Variants in CSRP3 observed in about 807,000 individuals in gnomAD.
CSRP3 encodes cysteine and glycine rich protein 3.
In CSRP3, 24 loss-of-function variants were observed where a neutral mutation model predicts 24.3. The ratio of observed to expected loss-of-function variants is 0.99; its 90% CI spans 0.71 to 1.39. CSRP3 has a LOEUF of 1.39. Ranked by LOEUF, CSRP3 falls within the 40% of genes most tolerant of loss-of-function variation. The pLI, the probability that CSRP3 is intolerant of heterozygous loss-of-function variation, is 0.00. For synonymous variants in CSRP3, 105 were observed against 94.0 expected (o/e 1.12, Z -0.68); for missense variants, 240 against 249.0 (o/e 0.96, Z 0.24).
Position 19,188,178 on chromosome 11 carries a change from A to T in CSRP3, c.239T>A (p.Leu80His). 1 of 1,614,058 alleles carries T rather than the reference A, an allele frequency of 6.2e-7. No homozygotes were observed. Among genetic ancestry groups the T allele is most frequent in the Non-Finnish European group, 8.5e-7 (1 of 1,180,030 alleles). ...GIGYGQGAGC[L>H]STDTGEHLGL... is the part of the protein sequence containing the mutation. ...GAGATGCTCGCCCGTGTCTGTGCTGAGACAGCCAGCGCCTTGTCCATACCC... is the reference window on the plus strand; with the variant it reads ...GAGATGCTCGCCCGTGTCTGTGCTGTGACAGCCAGCGCCTTGTCCATACCC... Residue 80 changes from leucine (L) to histidine (H), a missense_variant, in exon 3 of 6, where the codon CTC (leucine) becomes CAC (histidine). Transcript: ENST00000265968.
At chr11:19,193,529 C>G (rs1850648991) in intron 1 of CSRP3, among the ~76,000 whole-genome samples, 2 of 152,202 alleles carry the variant, frequency 1.3e-5, no homozygotes, top group Admixed American at 1.3e-4. Context: ...TAATTGTCCT[C>G]TGTATTTTTA....
At chr11:19,188,782 A>G (rs1409631796) in intron 2 of CSRP3, among the ~76,000 whole-genome samples, 1 of 152,082 alleles carries the variant, frequency 6.6e-6, no homozygotes, top group Non-Finnish European at 1.5e-5. Context: ...TGTGATATTC[A>G]AGCAGACAAT....
intron 5 of CSRP3, among the ~76,000 whole-genome samples, chr11:19,183,568 T>A (rs9888275): frequency 0.16 from 24,525 of 152,206 alleles, 2,441 homozygotes; most frequent in African/African-American, 0.28. Context: ...GCATTGTGAA[T>A]GTTTCTCTAC....
At chr11:19,184,818 A>C (rs1590102725) in intron 5 of CSRP3, 134 bp downstream of exon 5, 2 of 751,506 alleles carry the variant, frequency 2.7e-6, no homozygotes, top group Admixed American at 2.0e-5. Context: ...GCTCCTGAGA[A>C]CCCAACGCTG....
At chr11:19,196,626 G>A (rs1180158111) in intron 1 of CSRP3, 2 of 152,168 alleles carry the variant, frequency 1.3e-5, no homozygotes, top group African/African-American at 4.8e-5. Flanking sequence ...ACCAAGGGAT[G>A]GGCCATTTGT....
At chr11:19,192,980 T>G (rs1464884174) in intron 1 of CSRP3, among the ~76,000 whole-genome samples, 1 of 152,158 alleles carries the variant, frequency 6.6e-6, no homozygotes, top group Non-Finnish European at 1.5e-5. Flanking sequence ...TCTAACAGAC[T>G]CCAGGCAATA....
chr11:19,192,597 T>C lies in CSRP3; in HGVS notation c.-28-121A>G. Reference sequence around the variant, plus strand: ...AATTTTTTTTTAGTGTTTCATTTATTCATTCATTTAGCAAACAGCTACTGT... The same window carrying C: ...AATTTTTTTTTAGTGTTTCATTTATCCATTCATTTAGCAAACAGCTACTGT... On this transcript the variant is annotated intron_variant, in intron 1 of 5. Transcript: ENST00000265968. The C allele has an allele frequency of 1.0e-5, 7 of 702,150 alleles. No homozygotes were observed. The South Asian group carries it at 1.1e-4, about 11-fold the overall frequency. 43.5% of individuals were successfully genotyped at this position (702,150 alleles called of 1,614,324 possible).
intron 1 of CSRP3, among the ~76,000 whole-genome samples, chr11:19,200,298 A>G (rs545834532): frequency 1.3e-5 from 2 of 152,372 alleles, no homozygotes; most frequent in African/African-American, 4.8e-5. Flanking sequence ...ATTCAGAGCT[A>G]TAATTTGAAC....
intron 1 of CSRP3, among the ~76,000 whole-genome samples, chr11:19,200,091 G>T (rs967211456): frequency 3.3e-5 from 5 of 150,540 alleles, no homozygotes; most frequent in African/African-American, 1.2e-4. Flanking sequence ...TACTTAGCAG[G>T]AAACCCCCCC....
At chr11:19,191,913 CA>C (rs1850622145) in intron 2 of CSRP3, among the ~76,000 whole-genome samples, 1 of 152,162 alleles carries the variant, frequency 6.6e-6, no homozygotes. Context: ...CAGACAAGAC[CA>C]GTCACAGCTG....
chr11:19,193,649 G>A (rs995722024), intron 1 of CSRP3, among the ~76,000 whole-genome samples: 9 of 152,034 alleles, frequency 5.9e-5, no homozygotes, highest in South Asian at 2.1e-4. Context: ...TTGAGCCACC[G>A]TGCCCGGCCT....
chr11:19,188,354 C>A (rs1317074063), intron 2 of CSRP3, 50 bp from the exon 3 acceptor site: 4 of 1,593,664 alleles, frequency 2.5e-6, no homozygotes, highest in African/African-American at 1.3e-5. Flanking sequence ...TCCTTCTCCC[C>A]TTCTTTGCAC....
At chr11:19,186,031 A>G (rs1334375027) in intron 4 of CSRP3, among the ~76,000 whole-genome samples, 185 bp downstream of exon 4, 7 of 152,114 alleles carry the variant, frequency 4.6e-5, no homozygotes, top group African/African-American at 1.7e-4. Context: ...CCAGCTTTCA[A>G]AGGGCAATGC....
chr11:19,197,559 CTT>C, intron 1 of CSRP3, among the ~76,000 whole-genome samples: 1 of 127,562 alleles, frequency 7.8e-6, no homozygotes, highest in South Asian at 2.8e-4. Context: ...TTCTTTCTTT[CTT>C]TCTTTCTTTC....
chr11:19,183,536 C>A (rs1324316946), intron 5 of CSRP3, among the ~76,000 whole-genome samples: 1 of 152,172 alleles, frequency 6.6e-6, no homozygotes, highest in Non-Finnish European at 1.5e-5. Flanking sequence ...CAAGCTGGTT[C>A]CTCTCCTCTT....
Position 19,188,272 on chromosome 11 carries a change from C to T in CSRP3, c.145G>A (p.Val49Ile), listed in dbSNP as rs1850561000. 1 of 1,612,582 alleles carries T rather than the reference C, an allele frequency of 6.2e-7. No homozygotes were observed. Among genetic ancestry groups the T allele is most frequent in the South Asian group, 1.1e-5 (1 of 91,022 alleles). The change falls in exon 3 of 6, where the codon GTC becomes ATC. Residue 49 changes from valine to isoleucine, a missense_variant. Transcript: ENST00000265968. ...TAGATCTCCGACTCATGAGCCGCGACTGTCGTGCTGTCAAGAGCCTTCCTG... is the reference window on the plus strand; with the variant it reads ...TAGATCTCCGACTCATGAGCCGCGATTGTCGTGCTGTCAAGAGCCTTCCTG... Reference protein sequence around the residue: ...ACRKALDSTTVAAHESEIYCK... With the variant: ...ACRKALDSTTIAAHESEIYCK...
intron 3 of CSRP3, among the ~76,000 whole-genome samples, chr11:19,186,820 G>C (rs1256630896): frequency 6.6e-6 from 1 of 152,236 alleles, no homozygotes; most frequent in East Asian, 1.9e-4. Flanking sequence ...CAGTCCATGA[G>C]CTGATGCATT....
chr11:19,187,416 C>T (rs1314099121), intron 3 of CSRP3, among the ~76,000 whole-genome samples: 2 of 152,166 alleles, frequency 1.3e-5, no homozygotes, highest in African/African-American at 4.8e-5. Flanking sequence ...AGTCGCAGTG[C>T]AGAGCTCAGC....
At chr11:19,201,535 C>A (rs533198359) in intron 1 of CSRP3, among the ~76,000 whole-genome samples, 13 of 152,334 alleles carry the variant, frequency 8.5e-5, no homozygotes, top group African/African-American at 2.9e-4. Flanking sequence ...GAGACCAAGC[C>A]CCTGAGGGCA....
Sources: gnomAD v4.1 joint callset for allele counts (sites outside exome capture counted in the v4.1 genomes callset) on GRCh38, gnomAD v4.1.1 for gene constraint, MANE v1.5 for transcripts, NCBI Gene and HGNC (gene_info 2026-07-23, HGNC 2026-07-21) for gene names.